Variants in MYLK4 observed in about 807,000 individuals in gnomAD.
MYLK4 encodes the protein caMLCK like.
A neutral mutation model predicts 48.1 loss-of-function variants in MYLK4; 46 were observed. The ratio of observed to expected loss-of-function variants is 0.96; its 90% confidence interval spans 0.75 to 1.22. MYLK4 has a LOEUF of 1.22. Ranked by LOEUF, MYLK4 falls within the 50% of genes most tolerant of loss-of-function variation. The pLI is 0.00. For synonymous variants in MYLK4, 170 were observed against 180.8 expected, an observed-to-expected ratio of 0.94 and a Z score of 0.48; for missense variants, 451 against 486.1, an observed-to-expected ratio of 0.93 and a Z score of 0.68.
At chr6:2,677,420 C>T (rs745359435) in intron 10 of MYLK4, among the ~76,000 whole-genome samples, 5 of 152,148 alleles carry the variant, frequency 3.3e-5, no homozygotes, top group South Asian at 2.1e-4. Context: ...GATAATAAAA[C>T]GATAAGGCAA....
At chr6:2,757,620 T>C in the MYLK4 span, among the ~76,000 whole-genome samples, 1 of 144,870 alleles carries the variant, frequency 6.9e-6, no homozygotes, top group African/African-American at 2.5e-5. Flanking sequence ...AAAAAAAAAC[T>C]AGGGTTATTG....
At position 2,688,838 on chromosome 6, in the gene MYLK4, C is replaced by A. The variant is rs966171957; in HGVS notation, c.341+13G>T. 18 of 1,603,034 alleles carry A rather than the reference C, an allele frequency of 1.1e-5. No individual in the cohort carries two copies. The highest frequency in any genetic ancestry group is 1.5e-5 in the Non-Finnish European group (17 of 1,170,266). ...CTTTTGTTGAGAGAATATTAACATT[C>A]AGCCTTACTCACCCTCCTAGGATTT... On this transcript the variant is annotated intron_variant, in intron 4 of 12. Coordinates refer to ENST00000274643, the MANE Select transcript of MYLK4 (RefSeq NM_001012418.5).
intron 6 of MYLK4, among the ~76,000 whole-genome samples, chr6:2,683,820 G>A (rs547828712): frequency 1.8e-4 from 27 of 152,156 alleles, no homozygotes; most frequent in South Asian, 1.2e-3. Context: ...CTCCAGGAGG[G>A]GAACTCCAAG....
the MYLK4 span, among the ~76,000 whole-genome samples, chr6:2,763,120 G>A: frequency 0.16 from 24,665 of 151,976 alleles, 2,221 homozygotes; most frequent in South Asian, 0.24. Flanking sequence ...CTGTTTTACG[G>A]AGAGCTGATT....
intron 2 of MYLK4, among the ~76,000 whole-genome samples, chr6:2,713,190 G>T (rs891543936): frequency 2.0e-5 from 3 of 152,004 alleles, no homozygotes; most frequent in Non-Finnish European, 4.4e-5. Context: ...GACCAACACG[G>T]AGAAACCCCA....
intron 2 of MYLK4, among the ~76,000 whole-genome samples, chr6:2,718,440 T>C (rs1762949067): frequency 6.6e-6 from 1 of 152,148 alleles, no homozygotes. Flanking sequence ...GAAGAAGGGG[T>C]AGCCATTGGT....
rs371078473 is a variant in MYLK4, at chr6:2,725,547, C to G, written c.159+23589G>C. ...AGAGAAAAAGAAACAAAGAAAGAAACAAAGAAACAAAGAAAGAAAGAAAGA... is the reference window on the plus strand; with the variant it reads ...AGAGAAAAAGAAACAAAGAAAGAAAGAAAGAAACAAAGAAAGAAAGAAAGA... On this transcript the variant is annotated intron_variant, in intron 2 of 12. Transcript: ENST00000274643. 9.6e-3 allele frequency among the ~76,000 whole-genome samples: 762 copies of G among 79,084 alleles called. 7 individuals are homozygous for G. Among genetic ancestry groups the G allele is most frequent in the African/African-American group, 0.037 (702 of 18,732 alleles). The allele number at this position is 79,084 out of a possible 152,430, so 51.9% of individuals were successfully genotyped here. A position where few individuals can be genotyped will look rare whatever the true frequency, so the allele number is the denominator to read the frequency against.
chr6:2,745,396 A>C (rs911577887), intron 2 of MYLK4, among the ~76,000 whole-genome samples: 23 of 152,220 alleles, frequency 1.5e-4, no homozygotes, highest in African/African-American at 5.5e-4. Flanking sequence ...TGGTATGGAC[A>C]CAGTAGCTAT....
chr6:2,688,409 A>T (rs9391961), intron 4 of MYLK4, among the ~76,000 whole-genome samples: 21,956 of 152,254 alleles, frequency 0.14, 1,733 homozygotes, highest in Admixed American at 0.21. Flanking sequence ...CCCTAAAATA[A>T]GTTATTTGCT....
chr6:2,757,243 G>C, the MYLK4 span, among the ~76,000 whole-genome samples: 4 of 151,656 alleles, frequency 2.6e-5, no homozygotes, highest in African/African-American at 9.7e-5. Flanking sequence ...TATTCTACAT[G>C]TCCAAAAGTA....
At position 2,707,422 on chromosome 6, in the gene MYLK4, C is replaced by T. The variant is rs184663365; in HGVS notation, c.160-14563G>A. Among the ~76,000 whole-genome samples, 31 of 152,196 alleles carry T rather than the reference C, an allele frequency of 2.0e-4. 1 individual carries two copies. Among genetic ancestry groups the T allele is most frequent in the Admixed American group, 1.5e-3 (23 of 15,294 alleles). ...TTCAAACCGATCTCATTATTGGTGGCGCACATTTACACGCACACACAACTT... is the reference window on the plus strand; with the variant it reads ...TTCAAACCGATCTCATTATTGGTGGTGCACATTTACACGCACACACAACTT... On this transcript the variant is annotated intron_variant, in intron 2 of 12. Transcript: ENST00000274643.
At chr6:2,721,207 A>C (rs985751925) in intron 2 of MYLK4, among the ~76,000 whole-genome samples, 3 of 152,074 alleles carry the variant, frequency 2.0e-5, no homozygotes, top group African/African-American at 7.2e-5. Flanking sequence ...AGAACATGAA[A>C]CTATCCAAGA....
chr6:2,675,938 A>T (rs1297048190), intron 10 of MYLK4, among the ~76,000 whole-genome samples: 3 of 152,026 alleles, frequency 2.0e-5, no homozygotes, highest in African/African-American at 7.2e-5. Flanking sequence ...TAAAAATACA[A>T]AAAATTAGCT....
At chr6:2,761,263 CAATT>C in the MYLK4 span, among the ~76,000 whole-genome samples, 1 of 152,010 alleles carries the variant, frequency 6.6e-6, no homozygotes, top group Non-Finnish European at 1.5e-5. Context: ...CAGCTGCAGA[CAATT>C]AAACAGTGAG....
At chr6:2,754,493 A>G (rs1407247441), upstream of MYLK4, among the ~76,000 whole-genome samples, 1 of 152,202 alleles carries the variant, frequency 6.6e-6, no homozygotes, top group Non-Finnish European at 1.5e-5. Flanking sequence ...ATAGACGTAG[A>G]AAGCAGACTG....
intron 2 of MYLK4, among the ~76,000 whole-genome samples, chr6:2,733,506 G>A (rs1249273409): frequency 6.6e-6 from 1 of 152,198 alleles, no homozygotes; most frequent in East Asian, 1.9e-4. Context: ...CACCGAGGAG[G>A]TGTGCGTCAT....
At chr6:2,711,573 T>C (rs757802831) in intron 2 of MYLK4, among the ~76,000 whole-genome samples, 3 of 152,186 alleles carry the variant, frequency 2.0e-5, no homozygotes, top group Non-Finnish European at 4.4e-5. Context: ...TACTATGACA[T>C]AGGAGGACAA....
At chr6:2,761,177 T>G in the MYLK4 span, among the ~76,000 whole-genome samples, 3 of 152,168 alleles carry the variant, frequency 2.0e-5, no homozygotes, top group Non-Finnish European at 4.4e-5. Context: ...CACCACCGAA[T>G]CTATCCTCCC....
chr6:2,765,323 C>T, the MYLK4 span: 1 of 228,146 alleles, frequency 4.4e-6, no homozygotes, highest in Non-Finnish European at 8.5e-6. Context: ...TTGGGGCAAA[C>T]GGCCACGGAC....
Sources: allele counts gnomAD v4.1 joint callset (sites outside exome capture counted in the v4.1 genomes callset), GRCh38; gene constraint gnomAD v4.1.1; transcripts MANE v1.5; gene names NCBI Gene and HGNC (gene_info 2026-07-23, HGNC 2026-07-21).